Variants in ANO1 observed in about 807,000 individuals in gnomAD.
ANO1 encodes the protein anoctamin 1, also known as anoctamin-1.
In ANO1, 59 loss-of-function variants were observed where a neutral mutation model predicts 124.0. The ratio of observed to expected loss-of-function variants is 0.48; its 90% confidence interval spans 0.39 to 0.59. The LOEUF (loss-of-function observed/expected upper bound fraction) is 0.59, where lower values mean the gene tolerates loss of function less well. ANO1 is among the 20% of genes least tolerant of loss of function. The probability of loss-of-function intolerance (pLI) is 0.00; values close to 1 mark genes in which losing one functional copy is unlikely to be tolerated. For missense variants in ANO1, 1,059 were observed against 1,328.0 expected (o/e 0.80, Z 3.15); for synonymous variants, 529 against 532.0 (o/e 0.99, Z 0.08).
intron 1 of ANO1, among the ~76,000 whole-genome samples, chr11:70,073,171 G>T (rs111784743): frequency 0.013 from 1,922 of 152,328 alleles, 17 homozygotes; most frequent in Middle Eastern, 0.024. Context: ...TAGGTGCTCT[G>T]TTTGGCAGAG....
At chr11:70,036,850 G>T (rs1282339141) in intron 1 of ANO1, among the ~76,000 whole-genome samples, 1 of 152,116 alleles carries the variant, frequency 6.6e-6, no homozygotes, top group African/African-American at 2.4e-5. Context: ...CTCGTGATCT[G>T]CCCGCCTCAG....
chr11:70,113,782 T>C (rs1372650973), intron 7 of ANO1, among the ~76,000 whole-genome samples: 1 of 152,086 alleles, frequency 6.6e-6, no homozygotes, highest in Non-Finnish European at 1.5e-5. Flanking sequence ...TGCAGAGCCC[T>C]CTGTTTAGAA....
At chr11:70,055,406 G>A (rs782330325) in intron 1 of ANO1, among the ~76,000 whole-genome samples, 1 of 152,058 alleles carries the variant, frequency 6.6e-6, no homozygotes, top group Non-Finnish European at 1.5e-5. Flanking sequence ...TTGAATAGAT[G>A]TACCACTATA....
chr11:70,093,178 C>T (rs1430026270), intron 2 of ANO1, among the ~76,000 whole-genome samples: 1 of 151,242 alleles, frequency 6.6e-6, no homozygotes, highest in South Asian at 2.1e-4. Flanking sequence ...CTCTATCATT[C>T]CCTTTCTCTC....
Position 70,051,612 on chromosome 11 carries a change from A to G in ANO1, c.59-26930A>G, listed in dbSNP as rs190618727. Reference sequence around the variant, plus strand: ...GCCATTCTGGTGTGTGTGTTGTGGTATCTCATTGTGGTTTTACGCTGTGTC... The same window carrying G: ...GCCATTCTGGTGTGTGTGTTGTGGTGTCTCATTGTGGTTTTACGCTGTGTC... On this transcript the variant is annotated intron_variant, in intron 1 of 27. Transcript: ENST00000531349. 1.7e-3 allele frequency among the ~76,000 whole-genome samples: 264 copies of G among 152,326 alleles called. 1 individual carries two copies. The highest frequency in any genetic ancestry group is 3.4e-3 in the Middle Eastern group (1 of 294).
At chr11:70,087,120 T>C (rs1198384961) in intron 1 of ANO1, among the ~76,000 whole-genome samples, 2 of 152,192 alleles carry the variant, frequency 1.3e-5, no homozygotes, top group Admixed American at 6.5e-5. Context: ...GGATATTTTG[T>C]TTGTTCATTT....
chr11:70,126,797 A>C (rs2046533086), intron 10 of ANO1, among the ~76,000 whole-genome samples: 1 of 148,310 alleles, frequency 6.7e-6, no homozygotes. Flanking sequence ...GTGAGACGTG[A>C]ATGCTAGAGG....
chr11:69,992,082 C>T (rs1439671096), intron 1 of ANO1, among the ~76,000 whole-genome samples: 2 of 152,174 alleles, frequency 1.3e-5, no homozygotes, highest in Admixed American at 6.5e-5. Context: ...ATTTCTCTAG[C>T]CCTAGCCCAG....
At chr11:69,997,284 C>T (rs1367583445) in intron 1 of ANO1, among the ~76,000 whole-genome samples, 1 of 152,024 alleles carries the variant, frequency 6.6e-6, no homozygotes, top group Non-Finnish European at 1.5e-5. Context: ...TTACCCCCAC[C>T]CCCACCTCCA....
chr11:70,085,531 C>A, intron 1 of ANO1: 1 of 1,536,020 alleles, frequency 6.5e-7, no homozygotes, highest in Admixed American at 2.0e-5. Context: ...GCTGACCAGG[C>A]CCTCCCAGGT....
At chr11:70,032,803 A>G (rs543239635) in intron 1 of ANO1, among the ~76,000 whole-genome samples, 2 of 152,230 alleles carry the variant, frequency 1.3e-5, no homozygotes, top group Admixed American at 1.3e-4. Flanking sequence ...TAAAAGAAAA[A>G]ACAGAACACA....
chr11:70,116,737 AC>A (rs1256979224), intron 8 of ANO1, among the ~76,000 whole-genome samples: 2 of 152,008 alleles, frequency 1.3e-5, no homozygotes, highest in East Asian at 3.9e-4. Context: ...TTGGCAGGTG[AC>A]CGTGAGCATG....
rs1367308165 is a variant in ANO1 at position 70,109,736 on chromosome 11, C to T, written c.799+1332C>T. ...CCTGCAGCGTTCCTTCCAGTAGAAA[C>T]GTGTATGGTTGCAATAGAAGTCCAG... On this transcript the variant is annotated intron_variant, in intron 6 of 25. Coordinates refer to ENST00000355303, the MANE Select transcript of ANO1 (RefSeq NM_018043.7). 5.9e-5 allele frequency among the ~76,000 whole-genome samples: 9 copies of T among 152,160 alleles called. No individual in the cohort carries two copies. The South Asian group carries it at 8.3e-4, about 14-fold the overall frequency.
At chr11:70,092,545 C>T (rs1336950202) in intron 2 of ANO1, among the ~76,000 whole-genome samples, 1 of 152,198 alleles carries the variant, frequency 6.6e-6, no homozygotes, top group African/African-American at 2.4e-5. Flanking sequence ...CACACAGGAA[C>T]TCCTGGGGGT....
intron 22 of ANO1, among the ~76,000 whole-genome samples, chr11:70,179,492 G>A (rs886877467): frequency 6.6e-6 from 1 of 152,188 alleles, no homozygotes; most frequent in African/African-American, 2.4e-5. Flanking sequence ...GGGTCTTGGA[G>A]TAAAGGGAAC....
chr11:70,067,737 C>A (rs146792747), intron 1 of ANO1, among the ~76,000 whole-genome samples: 130 of 152,308 alleles, frequency 8.5e-4, no homozygotes, highest in African/African-American at 3.0e-3. Flanking sequence ...CCAGCCTTCC[C>A]GTCCCTCCAG....
At chr11:70,014,810 CT>C (rs1555001682) in intron 1 of ANO1, 1 of 149,034 alleles carries the variant, frequency 6.7e-6, no homozygotes, top group Non-Finnish European at 1.5e-5. Context: ...CTTGTTTGTC[CT>C]TTTTTATTTT....
intron 1 of ANO1, among the ~76,000 whole-genome samples, chr11:70,008,830 G>A (rs1565159392): frequency 1.3e-5 from 2 of 152,138 alleles, no homozygotes; most frequent in Non-Finnish European, 1.5e-5. Flanking sequence ...CTGGCCATAG[G>A]GAAGGCCGGC....
chr11:69,984,668 C>T (rs966496785), upstream of ANO1, among the ~76,000 whole-genome samples: 1 of 152,122 alleles, frequency 6.6e-6, no homozygotes, highest in Admixed American at 6.5e-5. Context: ...ATGCCTTCCG[C>T]GGGGATGTGG....
Sources: gnomAD v4.1 joint callset for allele counts (sites outside exome capture counted in the v4.1 genomes callset) on GRCh38, gnomAD v4.1.1 for gene constraint, MANE v1.5 for transcripts, NCBI Gene and HGNC (gene_info 2026-07-23, HGNC 2026-07-21) for gene names.